MDN1: variants seen among roughly 807,000 people sequenced by gnomAD.
The protein encoded by MDN1 is midasin AAA ATPase 1.
MDN1 carries 266 observed loss-of-function variants against 669.2 expected under a neutral mutation model. That is an observed-to-expected ratio of 0.40 (90% confidence interval 0.36 to 0.44). The LOEUF (loss-of-function observed/expected upper bound fraction) is 0.44. Among genes scored for constraint, MDN1 ranks in the 20% least tolerant of loss-of-function variants. MDN1 has a pLI of 1.00. For missense variants in MDN1, 5,940 were observed against 6,754.0 expected (o/e 0.88, Z 4.22); for synonymous variants, 2,385 against 2,457.1 (o/e 0.97, Z 0.87).
chr6:89,727,979 A>G, intron 36 of MDN1, 24 bp from the exon 37 acceptor site: 1 of 1,591,378 alleles, frequency 6.3e-7, no homozygotes, highest in African/African-American at 1.4e-5. Flanking sequence ...AGAAATGGAA[A>G]GAAGCCATTA....
intron 1 of MDN1, among the ~76,000 whole-genome samples, chr6:89,816,189 C>T (rs1183818461): frequency 6.6e-6 from 1 of 152,046 alleles, no homozygotes; most frequent in African/African-American, 2.4e-5. Context: ...CACCTGAGGT[C>T]AGGAGTTCGA....
intron 8 of MDN1, 66 bp from the exon 9 acceptor site, chr6:89,785,192 G>T: frequency 9.6e-7 from 1 of 1,046,874 alleles, no homozygotes; most frequent in Non-Finnish European, 1.5e-6. Flanking sequence ...TTGTGCCTCT[G>T]GATATTACTT....
chr6:89,787,117 C>T lies in MDN1; in HGVS notation c.1334+737G>A, dbSNP rs1819007126. On this transcript the variant is annotated intron_variant, in intron 8 of 101. Coordinates refer to ENST00000369393, the MANE Select transcript of MDN1 (RefSeq NM_014611.3). ...AGTAATTGGGTCTAGGGAGGTATTCCTTGAATACTATCGGGTTAGCTCCAC... is the reference window on the plus strand; with the variant it reads ...AGTAATTGGGTCTAGGGAGGTATTCTTTGAATACTATCGGGTTAGCTCCAC... 2.6e-5 allele frequency among the ~76,000 whole-genome samples: 4 copies of T among 151,594 alleles called. No individual in the cohort carries two copies. In the South Asian group the frequency reaches 8.4e-4, roughly 32 times the overall value.
intron 17 of MDN1, among the ~76,000 whole-genome samples, chr6:89,759,900 C>T (rs1021421750): frequency 2.6e-5 from 4 of 151,578 alleles, no homozygotes; most frequent in African/African-American, 4.9e-5. Context: ...GGCAAAACCC[C>T]GTCTCTACTA....
At chr6:89,786,114 T>TA (rs1414210504) in intron 8 of MDN1, among the ~76,000 whole-genome samples, 2 of 151,276 alleles carry the variant, frequency 1.3e-5, no homozygotes, top group East Asian at 2.0e-4. Context: ...ACACAAAAAT[T>TA]AGACAGGCGT....
chr6:89,656,967 G>C (rs1168810073), intron 90 of MDN1, among the ~76,000 whole-genome samples, 166 bp from the exon 91 acceptor site: 1 of 152,186 alleles, frequency 6.6e-6, no homozygotes, highest in African/African-American at 2.4e-5. Context: ...CTAAGGCCTG[G>C]CCTACAGGCA....
intron 12 of MDN1, 122 bp from the exon 13 acceptor site, chr6:89,774,855 A>G: frequency 1.6e-6 from 1 of 623,042 alleles, no homozygotes. Context: ...TACTTCCCAG[A>G]TAGTTGAGTT....
At chr6:89,661,374 C>A in intron 88 of MDN1, 57 bp downstream of exon 88, 3 of 1,559,770 alleles carry the variant, frequency 1.9e-6, no homozygotes, top group South Asian at 2.4e-5. Context: ...AAAGAGAAAT[C>A]AATTACTGTT....
chr6:89,719,188 G>A lies in MDN1; in HGVS notation c.6005C>T (p.Ser2002Phe). The change falls in exon 41 of 102, where the codon TCC (serine) becomes TTC (phenylalanine). Residue 2002 changes from serine to phenylalanine, a missense_variant. Transcript: ENST00000369393. ...TAGTCTGGTTCCCATGTATGGGTTG[G>A]AATTTGAACCAAACACATCCTTGAA... is the stretch of plus-strand genomic sequence containing the variant. ...AVFKDVFGSN[S>F]NPYMGTRLFR... 1.2e-6 allele frequency: 2 copies of A among 1,613,862 alleles called. No homozygotes were observed. Among genetic ancestry groups the A allele is most frequent in the Non-Finnish European group, 1.7e-6 (2 of 1,179,790 alleles).
At chr6:89,718,715 G>C in intron 42 of MDN1, 52 bp downstream of exon 42, 1 of 1,609,304 alleles carries the variant, frequency 6.2e-7, no homozygotes, top group Non-Finnish European at 8.5e-7. Context: ...CTCTCAGTCA[G>C]ACCACGGGGT....
At chr6:89,671,829 A>T (rs987831874) in intron 82 of MDN1, among the ~76,000 whole-genome samples, 27 of 152,216 alleles carry the variant, frequency 1.8e-4, no homozygotes, top group African/African-American at 5.8e-4. Flanking sequence ...ACAACTGCTT[A>T]CTCTGTTCGC....
At position 89,688,103 on chromosome 6, in the gene MDN1, A is replaced by G; in HGVS notation, c.11330T>C (p.Leu3777Ser). Reference protein sequence around the residue: ...SSPISKFLNGLEILLAKAQDW... With the variant: ...SSPISKFLNGSEILLAKAQDW... ...CTGTGCCTTTGCCAGAAGGATCTCT[A>G]AGCCATTCAGGAACTTTGAGATGGG... Residue 3777 changes from leucine to serine, a missense_variant, in exon 67 of 102, where the codon TTA becomes TCA. Coordinates refer to ENST00000369393, the MANE Select transcript of MDN1 (RefSeq NM_014611.3). 4 of 1,614,100 alleles carry G rather than the reference A, an allele frequency of 2.5e-6. No homozygotes were observed. Among genetic ancestry groups the G allele is most frequent in the Non-Finnish European group, 3.4e-6 (4 of 1,179,940 alleles).
chr6:89,721,075 C>A (rs1189362742), intron 40 of MDN1, among the ~76,000 whole-genome samples: 1 of 152,208 alleles, frequency 6.6e-6, no homozygotes, highest in South Asian at 2.1e-4. Context: ...GAGGTCAAGG[C>A]TACATTAAGC....
At position 89,758,359 on chromosome 6, in the gene MDN1, G is replaced by A; in HGVS notation, c.2606-8C>T. The A allele has an allele frequency of 6.3e-7, 1 of 1,593,976 alleles. No individual in the cohort carries two copies. The highest frequency in any genetic ancestry group is 8.6e-7 in the Non-Finnish European group (1 of 1,166,924). On this transcript the variant is annotated splice_polypyrimidine_tract_variant and splice_region_variant and intron_variant, in intron 18 of 101. Coordinates refer to ENST00000369393, the MANE Select transcript of MDN1 (RefSeq NM_014611.3). Reference sequence around the variant, plus strand: ...GATGCCGAACCAGTGGCTCTGTTAAGAGAAAATTACAAATTCTCAACAAAG... The same window carrying A: ...GATGCCGAACCAGTGGCTCTGTTAAAAGAAAATTACAAATTCTCAACAAAG...
rs141371626 is a variant in MDN1, at chr6:89,745,351, T to A, written c.4100A>T (p.Glu1367Val). 19 of 1,613,886 alleles carry A rather than the reference T, an allele frequency of 1.2e-5. No individual in the cohort carries two copies. The highest frequency in any genetic ancestry group is 1.6e-5 in the Non-Finnish European group (19 of 1,179,988). Residue 1367 changes from glutamate to valine, a missense_variant, in exon 29 of 102, where the codon GAG becomes GTG. Physicochemically the swap from Glu to Val is moderately radical, Grantham distance 121. This residue lies in a region of MDN1 where 2,292 missense variants were observed against 2,638.3 expected (regional missense o/e 0.87). Coordinates refer to ENST00000369393, the MANE Select transcript of MDN1 (RefSeq NM_014611.3). ...ECNFGHIVWT[E>V]GMRRLAMLVG... ...TAGCATCGCGAGTCTCCGCATGCCC[T>A]CAGTCCACACGATATGGCCAAAGTT...
intron 97 of MDN1, 152 bp downstream of exon 97, chr6:89,649,872 T>G: frequency 1.2e-6 from 1 of 812,784 alleles, no homozygotes; most frequent in Non-Finnish European, 1.9e-6. Flanking sequence ...GTTATCACAT[T>G]CTCAAAACAG....
Position 89,774,626 on chromosome 6 carries a change from T to G in MDN1, c.1929A>C (p.Leu643=), listed in dbSNP as rs771008356. ...TAGTTTAGAGCCCTACTTACCTCTG[T>G]AGGTGAACAGCCTCACTTTGTTTCC... ...LLRKQSEAVH[L]QREKFTFAAT... The change falls in exon 13 of 102, where the codon CTA becomes CTC. Residue 643 remains leucine (L), a synonymous_variant. Coordinates refer to ENST00000369393, the MANE Select transcript of MDN1 (RefSeq NM_014611.3). 1.2e-6 allele frequency: 2 copies of G among 1,611,846 alleles called. No homozygotes were observed. Among genetic ancestry groups the G allele is most frequent in the African/African-American group, 2.7e-5 (2 of 74,874 alleles).
intron 33 of MDN1, among the ~76,000 whole-genome samples, chr6:89,737,656 T>C (rs1310642674): frequency 2.6e-5 from 4 of 151,942 alleles, no homozygotes; most frequent in Non-Finnish European, 5.9e-5. Flanking sequence ...AATTATTTAA[T>C]TAATTAATTA....
In MDN1 at chr6:89,732,783, C is replaced by G; in HGVS notation, c.4724-8G>C. 1 of 1,606,186 alleles carries G rather than the reference C, an allele frequency of 6.2e-7. No homozygotes were observed. The highest frequency in any genetic ancestry group is 8.5e-7 in the Non-Finnish European group (1 of 1,177,668). On this transcript the variant is annotated splice_polypyrimidine_tract_variant and splice_region_variant and intron_variant, in intron 33 of 101. Transcript: ENST00000369393. ...CTTCAGGTATGTCAGACCCTAAACA[C>G]AAGAAACAAAAAAAGCATTTGCTGT...
Sources: allele counts gnomAD v4.1 joint callset (sites outside exome capture counted in the v4.1 genomes callset), GRCh38; gene constraint gnomAD v4.1.1; regional missense constraint gnomAD v4.1.1; transcripts MANE v1.5; gene names NCBI Gene and HGNC (gene_info 2026-07-23, HGNC 2026-07-21).